Variants in SLC35F4 observed in about 807,000 individuals in gnomAD.
SLC35F4 encodes the protein solute carrier family 35 member F4.
In SLC35F4, 24 loss-of-function variants were observed where a neutral mutation model predicts 44.2. The observed-to-expected ratio is 0.54, with a 90% CI of 0.39 to 0.76. The LOEUF (loss-of-function observed/expected upper bound fraction) is 0.76. Among genes scored for constraint, SLC35F4 ranks in the 30% least tolerant of loss-of-function variants. The pLI is 0.00. For missense variants in SLC35F4, 562 were observed against 586.1 expected (o/e 0.96, Z 0.42); for synonymous variants, 238 against 223.6 (o/e 1.06, Z -0.57).
chr14:57,794,776 G>A (rs1375256786), intron 1 of SLC35F4, among the ~76,000 whole-genome samples: 1 of 151,548 alleles, frequency 6.6e-6, no homozygotes, highest in East Asian at 2.0e-4. Context: ...GTAGTACCCT[G>A]CAAATAATAT....
At chr14:57,896,758 G>A (rs1304539928) in intron 1 of SLC35F4, among the ~76,000 whole-genome samples, 1 of 152,130 alleles carries the variant, frequency 6.6e-6, no homozygotes, top group East Asian at 1.9e-4. Flanking sequence ...TTAGCACAGT[G>A]CCAGGAATAT....
chr14:57,594,152 G>C (rs2139928163), intron 1 of SLC35F4, 28 bp from the exon 2 acceptor site: 2 of 1,593,956 alleles, frequency 1.3e-6, no homozygotes, highest in Non-Finnish European at 1.7e-6. Flanking sequence ...ACGCCAGTTT[G>C]AGAACTGCCT....
chr14:57,884,466 G>A (rs932174598), intron 1 of SLC35F4, among the ~76,000 whole-genome samples: 18 of 152,180 alleles, frequency 1.2e-4, no homozygotes, highest in Non-Finnish European at 1.6e-4. Context: ...TCCATATTTC[G>A]TTTCTTTTTC....
intron 1 of SLC35F4, among the ~76,000 whole-genome samples, chr14:57,746,176 A>G (rs527468552): frequency 4.7e-4 from 71 of 152,286 alleles, no homozygotes; most frequent in African/African-American, 1.6e-3. Flanking sequence ...TGGCACATGT[A>G]TACATATGTA....
chr14:57,730,472 A>T (rs1050432665), intron 1 of SLC35F4, among the ~76,000 whole-genome samples: 1 of 151,658 alleles, frequency 6.6e-6, no homozygotes, highest in Non-Finnish European at 1.5e-5. Context: ...TTAGATGTTT[A>T]TCTCACTGGC....
rs1232988434 is a variant in SLC35F4, at chr14:57,928,566, C to T, written n.282+53347G>A. On this transcript the variant is annotated intron_variant and non_coding_transcript_variant, in intron 1 of 1. Transcript: ENST00000556568. ...AGTAATAAGGCTATGCCCTCCCTTC[C>T]CCTGGCAGTGTGGTGTGCGATAAAG... Among the ~76,000 whole-genome samples the T allele has an allele frequency of 2.0e-5, 3 of 152,204 alleles. No individual in the cohort carries two copies. In the South Asian group the frequency reaches 6.2e-4, roughly 32 times the overall value.
At chr14:57,782,060 A>C (rs75920156) in intron 1 of SLC35F4, among the ~76,000 whole-genome samples, 3,056 of 152,336 alleles carry the variant, frequency 0.02, 61 homozygotes, top group Non-Finnish European at 0.031. Flanking sequence ...CCCTGAACCT[A>C]AAAGTTTTTT....
At chr14:57,977,368 G>A (rs986979808) in intron 1 of SLC35F4, among the ~76,000 whole-genome samples, 5 of 152,128 alleles carry the variant, frequency 3.3e-5, no homozygotes, top group African/African-American at 1.2e-4. Context: ...AGCTAAGGAT[G>A]GTGTATCGAG....
At position 57,626,995 on chromosome 14, in the gene SLC35F4, T is replaced by C. The variant is rs566356517; in HGVS notation, c.104-32871A>G. Among the ~76,000 whole-genome samples the C allele has an allele frequency of 2.6e-5, 4 of 152,280 alleles. No individual in the cohort carries two copies. The South Asian group carries it at 8.3e-4, about 32-fold the overall frequency. ...AAAGGGAAGAGACAATGTGGCACTG[T>C]AGCCCTCAAATGCTCCTACTTCTTC... On this transcript the variant is annotated intron_variant, in intron 1 of 7. Coordinates refer to ENST00000556826, the MANE Select transcript of SLC35F4 (RefSeq NM_001306087.2).
At chr14:57,894,801 A>G (rs1888839193) in intron 1 of SLC35F4, among the ~76,000 whole-genome samples, 1 of 152,156 alleles carries the variant, frequency 6.6e-6, no homozygotes, top group South Asian at 2.1e-4. Flanking sequence ...TAATGCAATC[A>G]CAGAGTCTGT....
At chr14:57,635,339 G>C (rs74628834) in intron 1 of SLC35F4, among the ~76,000 whole-genome samples, 2 of 151,766 alleles carry the variant, frequency 1.3e-5, no homozygotes, top group Non-Finnish European at 2.9e-5. Flanking sequence ...AACTGCGAGA[G>C]AGAGGAGTAC....
intron 1 of SLC35F4, among the ~76,000 whole-genome samples, chr14:57,922,626 G>A (rs1889464133): frequency 6.6e-6 from 1 of 152,190 alleles, no homozygotes. Flanking sequence ...TCTGCTCTGT[G>A]TTCTGTTGGA....
chr14:57,574,622 G>A (rs2068686120), intron 4 of SLC35F4, among the ~76,000 whole-genome samples: 1 of 152,114 alleles, frequency 6.6e-6, no homozygotes, highest in Non-Finnish European at 1.5e-5. Flanking sequence ...ATATCTGATA[G>A]GTCAAATTCT....
At chr14:57,855,555 A>T (rs1887002758) in intron 1 of SLC35F4, among the ~76,000 whole-genome samples, 1 of 152,220 alleles carries the variant, frequency 6.6e-6, no homozygotes, top group African/African-American at 2.4e-5. Context: ...GCTGGAGAGG[A>T]TCTGGAGAAA....
chr14:57,605,343 T>C (rs996444975), intron 1 of SLC35F4, among the ~76,000 whole-genome samples: 3 of 151,818 alleles, frequency 2.0e-5, no homozygotes, highest in Non-Finnish European at 4.4e-5. Context: ...AGCCAAGAAA[T>C]ACATGAAAAA....
chr14:57,602,012 G>A (rs2070851576), intron 1 of SLC35F4, among the ~76,000 whole-genome samples: 1 of 152,104 alleles, frequency 6.6e-6, no homozygotes, highest in Admixed American at 6.6e-5. Flanking sequence ...GTTTTACTGA[G>A]CTCCTTCTGT....
At chr14:57,775,955 G>A (rs917604548) in intron 1 of SLC35F4, among the ~76,000 whole-genome samples, 1 of 152,186 alleles carries the variant, frequency 6.6e-6, no homozygotes, top group East Asian at 1.9e-4. Context: ...AGAAAAGAAT[G>A]TAACTGACCT....
chr14:57,598,662 A>G (rs1211523951), intron 1 of SLC35F4, among the ~76,000 whole-genome samples: 1 of 152,218 alleles, frequency 6.6e-6, no homozygotes, highest in African/African-American at 2.4e-5. Flanking sequence ...AGTCCCAGCT[A>G]TCATTCAAAC....
At chr14:57,828,142 G>A (rs1883984053) in intron 1 of SLC35F4, among the ~76,000 whole-genome samples, 1 of 152,172 alleles carries the variant, frequency 6.6e-6, no homozygotes, top group South Asian at 2.1e-4. Context: ...GAACCCATGA[G>A]ATCAGTGGTC....
Sources: gnomAD v4.1 joint callset for allele counts (sites outside exome capture counted in the v4.1 genomes callset) on GRCh38, gnomAD v4.1.1 for gene constraint, MANE v1.5 for transcripts, NCBI Gene and HGNC (gene_info 2026-07-23, HGNC 2026-07-21) for gene names.